PCDH9: variants seen among roughly 807,000 people sequenced by gnomAD.
PCDH9 encodes protocadherin 9.
A neutral mutation model predicts 70.6 loss-of-function variants in PCDH9; 24 were observed. The ratio of observed to expected loss-of-function variants is 0.34; its 90% confidence interval spans 0.25 to 0.48. The LOEUF is 0.48. Ranked by LOEUF, PCDH9 falls within the 20% of genes least tolerant of loss-of-function variation. PCDH9 has a pLI of 0.99. For missense variants in PCDH9, 1,281 were observed against 1,503.6 expected (o/e 0.85, Z 2.45); for synonymous variants, 562 against 558.5 (o/e 1.01, Z -0.09).
chr13:66,938,881 A>G (rs2082960672), intron 2 of PCDH9, among the ~76,000 whole-genome samples: 1 of 152,230 alleles, frequency 6.6e-6, no homozygotes, highest in South Asian at 2.1e-4. Flanking sequence ...ACATATCACA[A>G]GTAAAATTAT....
chr13:67,229,533 G>C lies in PCDH9; in HGVS notation c.-136+247C>G, dbSNP rs375908054. On this transcript the variant is annotated intron_variant, in intron 1 of 4. Transcript: ENST00000377865. The stretch of plus-strand genomic sequence containing the variant: ...TAACTGCAGTTTAAATGGGTGCAAG[G>C]CTCCAGGCAGCTACCTACTTGAGTA... Among the ~76,000 whole-genome samples, 28 of 152,288 alleles carry C rather than the reference G, an allele frequency of 1.8e-4. 1 individual carries two copies. The highest frequency in any genetic ancestry group is 9.7e-4 in the East Asian group (5 of 5,178).
intron 2 of PCDH9, among the ~76,000 whole-genome samples, chr13:66,938,257 A>G (rs1308620433): frequency 1.2e-4 from 18 of 152,248 alleles, no homozygotes; most frequent in Admixed American, 1.2e-3. Flanking sequence ...GGGCTTCTTA[A>G]ACGAAAATAA....
chr13:67,111,368 C>T (rs2086655892), intron 2 of PCDH9, among the ~76,000 whole-genome samples: 1 of 151,876 alleles, frequency 6.6e-6, no homozygotes, highest in African/African-American at 2.4e-5. Flanking sequence ...AAGCTATGTA[C>T]AATTTTACAC....
intron 4 of PCDH9, among the ~76,000 whole-genome samples, chr13:66,331,646 A>G (rs1274540163): frequency 6.6e-6 from 1 of 152,198 alleles, no homozygotes; most frequent in Non-Finnish European, 1.5e-5. Context: ...TTTTTCTGCA[A>G]ATCTTTATTG....
intron 2 of PCDH9, among the ~76,000 whole-genome samples, chr13:67,050,506 C>T (rs1010945530): frequency 2.0e-5 from 3 of 152,094 alleles, no homozygotes; most frequent in African/African-American, 7.2e-5. Context: ...TTAATTAAAC[C>T]TAAGCAAGAA....
chr13:67,100,337 T>C (rs549485098), intron 2 of PCDH9, among the ~76,000 whole-genome samples: 12 of 152,294 alleles, frequency 7.9e-5, no homozygotes, highest in Non-Finnish European at 1.0e-4. Flanking sequence ...AATGGTCTTA[T>C]AGGGATTATC....
chr13:66,872,122 A>G (rs1288353453), intron 3 of PCDH9, among the ~76,000 whole-genome samples: 1 of 152,178 alleles, frequency 6.6e-6, no homozygotes, highest in Admixed American at 6.6e-5. Flanking sequence ...ATATGACTAA[A>G]TTATGAAAGT....
intron 4 of PCDH9, among the ~76,000 whole-genome samples, chr13:66,433,045 G>A (rs1957801507): frequency 6.6e-6 from 1 of 151,908 alleles, no homozygotes; most frequent in Admixed American, 6.6e-5. Context: ...TAGGGCAGAA[G>A]AATATTAAAA....
rs2082098784 is a variant in PCDH9, at chr13:66,891,706, C to CT, written c.3138+11797dup. ...GTATAAACAGCTTCCCCAACGTATG[C>CT]TTTTTAAAAAACACCATTTCTGAAT... On this transcript the variant is annotated intron_variant, in intron 3 of 4. Transcript: ENST00000377865. Among the ~76,000 whole-genome samples the CT allele has an allele frequency of 1.3e-5, 2 of 151,918 alleles. 1 individual carries two copies. The highest frequency in any genetic ancestry group is 4.1e-4 in the South Asian group (2 of 4,824).
At chr13:66,604,115 G>A (rs566000868) in intron 4 of PCDH9, among the ~76,000 whole-genome samples, 2 of 151,862 alleles carry the variant, frequency 1.3e-5, no homozygotes, top group East Asian at 1.9e-4. Flanking sequence ...TCCTCACCAC[G>A]GCCCCATTCC....
At chr13:66,903,058 T>C (rs1459416818) in intron 3 of PCDH9, among the ~76,000 whole-genome samples, 1 of 151,860 alleles carries the variant, frequency 6.6e-6, no homozygotes, top group Non-Finnish European at 1.5e-5. Context: ...TTCATTAAAA[T>C]TCAAATTTAA....
intron 4 of PCDH9, among the ~76,000 whole-genome samples, chr13:66,480,268 C>T (rs538146943): frequency 6.6e-6 from 1 of 152,240 alleles, no homozygotes; most frequent in South Asian, 2.1e-4. Context: ...GACTGAATTG[C>T]TGCAGTCTCA....
At chr13:66,783,693 C>A (rs979897780) in intron 3 of PCDH9, among the ~76,000 whole-genome samples, 1 of 151,876 alleles carries the variant, frequency 6.6e-6, no homozygotes, top group Admixed American at 6.6e-5. Context: ...AATAAACAAA[C>A]AAAAGGAATG....
intron 2 of PCDH9, among the ~76,000 whole-genome samples, chr13:66,971,187 G>A (rs1019619382): frequency 1.3e-5 from 2 of 152,044 alleles, no homozygotes; most frequent in Non-Finnish European, 2.9e-5. Context: ...CTCGTCTTCA[G>A]TGCTGAGAAC....
intron 2 of PCDH9, among the ~76,000 whole-genome samples, chr13:66,935,107 G>A (rs2082894548): frequency 1.3e-5 from 2 of 151,740 alleles, no homozygotes; most frequent in South Asian, 2.1e-4. Flanking sequence ...TCTCTCCCAG[G>A]CTAAAGTGCA....
At chr13:66,401,760 G>A (rs1212704291) in intron 4 of PCDH9, among the ~76,000 whole-genome samples, 2 of 121,458 alleles carry the variant, frequency 1.6e-5, no homozygotes, top group African/African-American at 6.3e-5. Context: ...CTGCATTCAA[G>A]TGTACCTCCT....
intron 4 of PCDH9, among the ~76,000 whole-genome samples, chr13:66,429,442 T>A (rs1303778765): frequency 2.0e-5 from 3 of 150,702 alleles, no homozygotes; most frequent in Admixed American, 2.0e-4. Context: ...TTTTTTTTTT[T>A]AATATTTTGC....
chr13:66,868,881 A>G (rs1308765944), intron 3 of PCDH9, among the ~76,000 whole-genome samples: 1 of 152,146 alleles, frequency 6.6e-6, no homozygotes, highest in Non-Finnish European at 1.5e-5. Flanking sequence ...AAACGTGAGA[A>G]AAATATGATT....
At chr13:66,981,717 T>C (rs1339635192) in intron 2 of PCDH9, among the ~76,000 whole-genome samples, 1 of 152,118 alleles carries the variant, frequency 6.6e-6, no homozygotes, top group Non-Finnish European at 1.5e-5. Context: ...TTATACACTT[T>C]CCTGATTTCT....
Sources: gnomAD v4.1 joint callset for allele counts (sites outside exome capture counted in the v4.1 genomes callset) on GRCh38, gnomAD v4.1.1 for gene constraint, MANE v1.5 for transcripts, NCBI Gene and HGNC (gene_info 2026-07-23, HGNC 2026-07-21) for gene names.